KLHL8: variants seen among roughly 807,000 people sequenced by gnomAD.
The protein encoded by KLHL8 is kelch-like protein 8.
KLHL8 carries 38 observed loss-of-function variants against 63.5 expected under a neutral mutation model. The ratio of observed to expected loss-of-function variants is 0.60; its 90% CI spans 0.46 to 0.78. The LOEUF is 0.78. Among genes scored for constraint, KLHL8 ranks in the 30% least tolerant of loss-of-function variants. KLHL8 has a pLI of 0.00. For synonymous variants in KLHL8, 224 were observed against 254.3 expected, an observed-to-expected ratio of 0.88 and a Z score of 1.13; for missense variants, 566 against 752.4, an observed-to-expected ratio of 0.75 and a Z score of 2.90.
At chr4:87,211,736 A>G (rs1277001835) in intron 1 of KLHL8, among the ~76,000 whole-genome samples, 1 of 152,228 alleles carries the variant, frequency 6.6e-6, no homozygotes, top group African/African-American at 2.4e-5. Flanking sequence ...GTTGGAAAGA[A>G]TAATTTCCTA....
At chr4:87,176,958 AT>A in intron 5 of KLHL8, 90 bp from the exon 6 acceptor site, 5 of 631,804 alleles carry the variant, frequency 7.9e-6, no homozygotes, top group Admixed American at 6.1e-5. Context: ...TAATTAAAAT[AT>A]CACCATAAGT....
At chr4:87,230,693 A>G (rs1326540651) in intron 1 of KLHL8, among the ~76,000 whole-genome samples, 1 of 152,188 alleles carries the variant, frequency 6.6e-6, no homozygotes, top group Non-Finnish European at 1.5e-5. Flanking sequence ...ACCACAGCTT[A>G]AGAGTTACAA....
intron 1 of KLHL8, among the ~76,000 whole-genome samples, chr4:87,232,132 C>T (rs1264905644): frequency 6.6e-6 from 1 of 152,122 alleles, no homozygotes; most frequent in East Asian, 1.9e-4. Flanking sequence ...GTGCACTTAC[C>T]TCTGTGTGCT....
chr4:87,188,385 T>G (rs1421934882), intron 2 of KLHL8, among the ~76,000 whole-genome samples: 3 of 152,156 alleles, frequency 2.0e-5, no homozygotes, highest in Non-Finnish European at 2.9e-5. Context: ...GGTTCTACAA[T>G]TTCTAGATAA....
At chr4:87,196,814 A>G (rs1731715746) in intron 1 of KLHL8, among the ~76,000 whole-genome samples, 3 of 152,176 alleles carry the variant, frequency 2.0e-5, no homozygotes, top group Admixed American at 2.0e-4. Flanking sequence ...TGTAATTTGT[A>G]AAACTGAGGC....
Position 87,230,943 on chromosome 4 carries a change from G to A in KLHL8, n.57+9315C>T, listed in dbSNP as rs148162768. Among the ~76,000 whole-genome samples, 124 of 152,272 alleles carry A rather than the reference G, an allele frequency of 8.1e-4. 3 individuals are homozygous for A. Among genetic ancestry groups the A allele is most frequent in the African/African-American group, 2.7e-3 (111 of 41,548 alleles). ...CGTCAATATGTATGTTCCTGACATC[G>A]GGGCTGTGTAGCATACAAGTGGAAT... On this transcript the variant is annotated intron_variant and non_coding_transcript_variant, in intron 1 of 1. Coordinates refer to the KLHL8 transcript ENST00000506274.
chr4:87,190,639 G>C (rs1731444786), intron 2 of KLHL8, among the ~76,000 whole-genome samples: 1 of 83,308 alleles, frequency 1.2e-5, no homozygotes, highest in Non-Finnish European at 2.6e-5. Context: ...GTGAGACTCT[G>C]TCTTTAAAAA....
chr4:87,184,426 A>G (rs1731174246), intron 3 of KLHL8, among the ~76,000 whole-genome samples: 1 of 152,186 alleles, frequency 6.6e-6, no homozygotes, highest in Admixed American at 6.5e-5. Flanking sequence ...TCTTCTTACT[A>G]TTTGTTTAAG....
intron 1 of KLHL8, among the ~76,000 whole-genome samples, chr4:87,229,099 A>G (rs1033994196): frequency 2.0e-5 from 3 of 152,248 alleles, no homozygotes; most frequent in Non-Finnish European, 2.9e-5. Context: ...AGGTGAAACT[A>G]GACTATTAGA....
At chr4:87,184,534 T>G (rs550581242) in intron 3 of KLHL8, among the ~76,000 whole-genome samples, 1 of 152,218 alleles carries the variant, frequency 6.6e-6, no homozygotes, top group East Asian at 1.9e-4. Flanking sequence ...AGCATTTAAT[T>G]TAGAAAAAAT....
upstream of KLHL8, among the ~76,000 whole-genome samples, chr4:87,222,773 A>G (rs998543276): frequency 4.0e-5 from 6 of 150,570 alleles, no homozygotes; most frequent in African/African-American, 1.5e-4. Flanking sequence ...TAGTAGAGAC[A>G]GGGTTTTACC....
At chr4:87,234,731 G>T (rs1158462210) in intron 1 of KLHL8, among the ~76,000 whole-genome samples, 1 of 152,104 alleles carries the variant, frequency 6.6e-6, no homozygotes, top group African/African-American at 2.4e-5. Context: ...AAAACAGCCT[G>T]GGGCAGGTCC....
In KLHL8 at chr4:87,170,509, G is replaced by C. The variant is rs375509977; in HGVS notation, c.1315C>G (p.Gln439Glu). ...DVERYDIESD[Q>E]WSTVAPMNTP... is the part of the protein sequence containing the mutation. ...TTCATTGGTGCCACTGTACTCCACT[G>C]ATCAGATTCTATGTCATATCTCTCC... Residue 439 changes from glutamine (Q) to glutamate (E), a missense_variant, in exon 7 of 10, where the codon CAG (glutamine) becomes GAG (glutamate). Gln to Glu is a conservative substitution (Grantham distance 29). Transcript: ENST00000273963. 6.2e-7 allele frequency: 1 copy of C among 1,613,768 alleles called. No homozygotes were observed. Among genetic ancestry groups the C allele is most frequent in the African/African-American group, 1.3e-5 (1 of 74,888 alleles).
At chr4:87,225,004 C>T (rs1454686842), upstream of KLHL8, among the ~76,000 whole-genome samples, 1 of 152,116 alleles carries the variant, frequency 6.6e-6, no homozygotes, top group South Asian at 2.1e-4. Context: ...TCTTGAACTC[C>T]TGGCCTCGAG....
At chr4:87,164,898 C>T (rs192515888) in intron 8 of KLHL8, among the ~76,000 whole-genome samples, 205 of 152,032 alleles carry the variant, frequency 1.3e-3, no homozygotes, top group Non-Finnish European at 2.3e-3. Context: ...CCTGTAATCC[C>T]AGCACTTTGG....
chr4:87,206,135 G>A (rs1026139932), intron 1 of KLHL8, among the ~76,000 whole-genome samples: 5 of 151,956 alleles, frequency 3.3e-5, no homozygotes, highest in Admixed American at 3.3e-4. Flanking sequence ...GATTCTACTT[G>A]GAAAAATCTC....
intron 4 of KLHL8, among the ~76,000 whole-genome samples, chr4:87,182,949 G>T (rs2109988708): frequency 6.6e-6 from 1 of 152,264 alleles, no homozygotes; most frequent in East Asian, 1.9e-4. Flanking sequence ...AATCGGGAAA[G>T]ATCTCAAAAG....
chr4:87,220,889 TTGTA>T (rs1023950361), upstream of KLHL8: 14 of 152,202 alleles, frequency 9.2e-5, no homozygotes, highest in African/African-American at 2.2e-4. Flanking sequence ...TTTAGTTTCT[TTGTA>T]TGTCCATCAA....
chr4:87,210,313 T>C (rs1732352725), intron 1 of KLHL8, among the ~76,000 whole-genome samples: 1 of 151,660 alleles, frequency 6.6e-6, no homozygotes, highest in South Asian at 2.1e-4. Context: ...CCGTCTCTAC[T>C]AAAAAAAACA....
Sources: gnomAD v4.1 joint callset for allele counts (sites outside exome capture counted in the v4.1 genomes callset) on GRCh38, gnomAD v4.1.1 for gene constraint, MANE v1.5 for transcripts, NCBI Gene and HGNC (gene_info 2026-07-23, HGNC 2026-07-21) for gene names.